The following ENTHD1 variants were observed in gnomAD, a reference collection of about 807,000 sequenced individuals.
ENTHD1 encodes the protein ENTH domain containing 1.
Under a neutral mutation model 39.1 loss-of-function variants are expected in ENTHD1, and 23 were observed. That is an observed-to-expected ratio of 0.59 (90% CI 0.42 to 0.83). The LOEUF (loss-of-function observed/expected upper bound fraction) is 0.83, where lower values mean the gene tolerates loss of function less well. Ranked by LOEUF, ENTHD1 falls within the 40% of genes least tolerant of loss-of-function variation. The probability of loss-of-function intolerance (pLI) is 0.00; values close to 1 mark genes in which losing one functional copy is unlikely to be tolerated. For synonymous variants in ENTHD1, 230 were observed against 258.2 expected, an observed-to-expected ratio of 0.89 and a Z score of 1.05; for missense variants, 624 against 705.4, an observed-to-expected ratio of 0.88 and a Z score of 1.31.
rs190218764 is a variant in ENTHD1 at position 39,796,261 on chromosome 22, C to A, written c.832+24732G>T. On this transcript the variant is annotated intron_variant, in intron 5 of 6. Transcript: ENST00000325157. ...TAATTTTGGTATGCTCTGTTTCTTT[C>A]TTTTTCTTTTCTTTTCTTTTTCCTT... Among the ~76,000 whole-genome samples the A allele has an allele frequency of 3.7e-3, 562 of 152,008 alleles. 6 individuals are homozygous for A. The highest frequency in any genetic ancestry group is 0.012 in the African/African-American group (495 of 41,482).
intron 4 of ENTHD1, among the ~76,000 whole-genome samples, chr22:39,823,793 G>T (rs1348347610): frequency 6.6e-6 from 1 of 152,104 alleles, no homozygotes; most frequent in Non-Finnish European, 1.5e-5. Flanking sequence ...ATATATTCGT[G>T]TTTTAATTTC....
chr22:39,795,803 G>A (rs964713154), intron 5 of ENTHD1, among the ~76,000 whole-genome samples: 1 of 152,102 alleles, frequency 6.6e-6, no homozygotes, highest in East Asian at 1.9e-4. Flanking sequence ...TCCTGATTCA[G>A]TCTTAGTAAA....
At chr22:39,753,542 A>G (rs1206243402) in intron 6 of ENTHD1, among the ~76,000 whole-genome samples, 1 of 152,192 alleles carries the variant, frequency 6.6e-6, no homozygotes, top group African/African-American at 2.4e-5. Context: ...ATGAGCATAC[A>G]AGAATTTTTT....
At chr22:39,845,803 G>T (rs1290229421) in intron 3 of ENTHD1, among the ~76,000 whole-genome samples, 3 of 151,878 alleles carry the variant, frequency 2.0e-5, no homozygotes, top group Non-Finnish European at 4.4e-5. Context: ...TGATCTGCAA[G>T]AATTTTTTAT....
intron 5 of ENTHD1, among the ~76,000 whole-genome samples, chr22:39,814,463 G>GA (rs1341406049): frequency 1.0e-4 from 15 of 150,526 alleles, no homozygotes; most frequent in African/African-American, 2.4e-5. Flanking sequence ...TTGTCTCAGG[G>GA]AAAAAAAAAG....
intron 5 of ENTHD1, among the ~76,000 whole-genome samples, chr22:39,807,698 G>A (rs2065654076): frequency 6.6e-6 from 1 of 152,218 alleles, no homozygotes; most frequent in Admixed American, 6.5e-5. Context: ...AAATAGTGCA[G>A]TGAACTGTTT....
At chr22:39,886,068 T>A (rs982493414) in intron 2 of ENTHD1, among the ~76,000 whole-genome samples, 27 of 151,954 alleles carry the variant, frequency 1.8e-4, no homozygotes, top group African/African-American at 6.0e-4. Flanking sequence ...GTTTTTTTTT[T>A]TAAAAAAAGG....
At position 39,759,257 on chromosome 22, in the gene ENTHD1, A is replaced by G. The variant is rs1222284261; in HGVS notation, c.1219+5966T>C. ...TTTTCTCTGTGATGTGTTTTTGATA[A>G]TATATGTATATGTGTGTTTGTGTAT... On this transcript the variant is annotated intron_variant, in intron 6 of 6. Transcript: ENST00000325157. 2.0e-5 allele frequency among the ~76,000 whole-genome samples: 3 copies of G among 152,084 alleles called. No homozygotes were observed. In the East Asian group the frequency reaches 5.8e-4, roughly 29 times the overall value.
At chr22:39,879,947 G>C (rs1015447519) in intron 2 of ENTHD1, among the ~76,000 whole-genome samples, 11 of 152,240 alleles carry the variant, frequency 7.2e-5, no homozygotes, top group Admixed American at 7.2e-4. Context: ...AGGAAATGAG[G>C]CTGGGCGCAA....
intron 2 of ENTHD1, among the ~76,000 whole-genome samples, chr22:39,881,952 A>G (rs1427685385): frequency 6.6e-6 from 1 of 152,208 alleles, no homozygotes; most frequent in Non-Finnish European, 1.5e-5. Context: ...TTTTGTCTTC[A>G]TCTCTCTTGA....
chr22:39,780,998 C>CAAAAAAAAAAAAA (rs370342913), intron 5 of ENTHD1, among the ~76,000 whole-genome samples: 2 of 124,914 alleles, frequency 1.6e-5, no homozygotes, highest in Non-Finnish European at 3.4e-5. Flanking sequence ...GACTCCATCT[C>CAAAAAAAAAAAAA]AAAAAAAAAA....
chr22:39,806,213 C>T (rs1190953275), intron 5 of ENTHD1, among the ~76,000 whole-genome samples: 1 of 152,204 alleles, frequency 6.6e-6, no homozygotes, highest in African/African-American at 2.4e-5. Context: ...AGTGCCAATG[C>T]CCACATGCAT....
intron 5 of ENTHD1, among the ~76,000 whole-genome samples, chr22:39,769,119 G>A (rs1040810958): frequency 1.0e-4 from 15 of 150,430 alleles, no homozygotes; most frequent in African/African-American, 2.5e-4. Context: ...TATACACACC[G>A]GTGTATGTAC....
intron 6 of ENTHD1, among the ~76,000 whole-genome samples, chr22:39,755,792 C>G (rs1038982363): frequency 6.6e-6 from 1 of 152,076 alleles, no homozygotes; most frequent in African/African-American, 2.4e-5. Context: ...TCACCAGGTT[C>G]CACTCTACAC....
At chr22:39,799,366 T>A (rs2065579795) in intron 5 of ENTHD1, among the ~76,000 whole-genome samples, 1 of 152,206 alleles carries the variant, frequency 6.6e-6, no homozygotes, top group Non-Finnish European at 1.5e-5. Flanking sequence ...TCCCCTGGGC[T>A]GCAGGACACT....
chr22:39,820,971 TC>T (rs765236440), intron 5 of ENTHD1, 21 bp downstream of exon 5: 9 of 1,613,064 alleles, frequency 5.6e-6, no homozygotes, highest in Non-Finnish European at 3.4e-6. Context: ...TAAGTAAACT[TC>T]CTATTCCTTA....
chr22:39,892,922 T>C (rs2066439232), intron 1 of ENTHD1, among the ~76,000 whole-genome samples: 1 of 152,252 alleles, frequency 6.6e-6, no homozygotes, highest in South Asian at 2.1e-4. Flanking sequence ...GAGAATCTAA[T>C]CTTTTCCAGC....
chr22:39,756,530 A>G (rs1289680685), intron 6 of ENTHD1, among the ~76,000 whole-genome samples: 1 of 151,904 alleles, frequency 6.6e-6, no homozygotes, highest in East Asian at 1.9e-4. Context: ...ACAAGCTTTC[A>G]CTATGTTGAC....
At chr22:39,745,865 G>A (rs1302339820) in intron 6 of ENTHD1, among the ~76,000 whole-genome samples, 1 of 152,118 alleles carries the variant, frequency 6.6e-6, no homozygotes, top group Admixed American at 6.6e-5. Flanking sequence ...CTGTCTTCTT[G>A]TTTCTAGTAT....
Sources: allele counts gnomAD v4.1 joint callset (sites outside exome capture counted in the v4.1 genomes callset), GRCh38; gene constraint gnomAD v4.1.1; transcripts MANE v1.5; gene names NCBI Gene and HGNC (gene_info 2026-07-23, HGNC 2026-07-21).